Variants in CLINT1 observed in about 807,000 individuals in gnomAD.
CLINT1 encodes the protein clathrin interactor 1, also known as clathrin interacting protein localized in the trans-Golgi region.
In CLINT1, 15 loss-of-function variants were observed where a neutral mutation model predicts 70.4. The observed-to-expected ratio is 0.21, with a 90% CI of 0.14 to 0.33. CLINT1 has a LOEUF of 0.33. Ranked by LOEUF, CLINT1 falls within the 10% of genes least tolerant of loss-of-function variation. The pLI, the probability that CLINT1 is intolerant of heterozygous loss-of-function variation, is 1.00. For missense variants in CLINT1, 615 were observed against 778.1 expected, an observed-to-expected ratio of 0.79 and a Z score of 2.49; for synonymous variants, 227 against 254.7, an observed-to-expected ratio of 0.89 and a Z score of 1.04.
At chr5:157,847,958 C>T (rs1753438453) in intron 1 of CLINT1, among the ~76,000 whole-genome samples, 1 of 152,038 alleles carries the variant, frequency 6.6e-6, no homozygotes, top group Non-Finnish European at 1.5e-5. Context: ...GACTACTTGC[C>T]ACCACACCTG....
intron 8 of CLINT1, among the ~76,000 whole-genome samples, chr5:157,801,189 C>A (rs1021522377): frequency 6.6e-6 from 1 of 151,996 alleles, no homozygotes. Context: ...TACAGAAAAA[C>A]GGGAAAGGGA....
intron 9 of CLINT1, 123 bp from the exon 10 acceptor site, chr5:157,792,118 C>T (rs1471106110): frequency 2.7e-6 from 2 of 746,632 alleles, no homozygotes; most frequent in African/African-American, 1.8e-5. Context: ...CTGCAGGTAC[C>T]ATCTCCATCT....
rs200245441 is a variant in CLINT1, at chr5:157,791,796, C to T, written c.1287G>A (p.Ser429=). The change falls in exon 10 of 12, where the codon TCG becomes TCA. Residue 429 remains serine, a synonymous_variant. Transcript: ENST00000411809. ...NSSDLFDLMG[S]SQATMTSSQS... ...GGGAAGATGTCATGGTTGCCTGGGACGAGCCCATAAGATCAAACAGGTCTG... is the reference window on the plus strand; with the variant it reads ...GGGAAGATGTCATGGTTGCCTGGGATGAGCCCATAAGATCAAACAGGTCTG... 227 of 1,613,816 alleles carry T rather than the reference C, an allele frequency of 1.4e-4. No homozygotes were observed. Among genetic ancestry groups the T allele is most frequent in the Non-Finnish European group, 1.8e-4 (208 of 1,179,874 alleles).
intron 1 of CLINT1, chr5:157,823,624 T>C (rs1436291986): frequency 4.6e-6 from 1 of 219,662 alleles, no homozygotes; most frequent in African/African-American, 2.3e-5. Flanking sequence ...TCAAAATCTG[T>C]ATTTAAAAGT....
intron 8 of CLINT1, among the ~76,000 whole-genome samples, chr5:157,796,602 G>C (rs1186605170): frequency 6.6e-6 from 1 of 152,144 alleles, no homozygotes; most frequent in African/African-American, 2.4e-5. Context: ...GAACATCTGG[G>C]CTGCACTCAA....
At chr5:157,854,500 C>T (rs1008769062) in intron 1 of CLINT1, among the ~76,000 whole-genome samples, 7 of 152,156 alleles carry the variant, frequency 4.6e-5, no homozygotes, top group African/African-American at 1.7e-4. Flanking sequence ...CATCACTGTG[C>T]TCCAGCCTGG....
chr5:157,839,868 A>G (rs1436015454), intron 1 of CLINT1, among the ~76,000 whole-genome samples: 2 of 152,088 alleles, frequency 1.3e-5, no homozygotes, highest in East Asian at 3.8e-4. Flanking sequence ...CCAGGGCTGA[A>G]GCAGTCAAAG....
chr5:157,798,401 T>C (rs1762123418), intron 8 of CLINT1, among the ~76,000 whole-genome samples: 1 of 152,188 alleles, frequency 6.6e-6, no homozygotes, highest in Non-Finnish European at 1.5e-5. Flanking sequence ...GGTTATTTAG[T>C]CACCAGCTGG....
At position 157,796,321 on chromosome 5, in the gene CLINT1, A is replaced by G. The variant is rs559985627; in HGVS notation, c.1013-1349T>C. On this transcript the variant is annotated intron_variant, in intron 8 of 11. Transcript: ENST00000411809. ...ATTTGTAAATACTACATGGGTAAGA[A>G]TATTTACTTTTACCTATAATTTCAA... 4.6e-5 allele frequency among the ~76,000 whole-genome samples: 7 copies of G among 152,360 alleles called. No homozygotes were observed. The South Asian group carries it at 1.4e-3, about 32-fold the overall frequency.
chr5:157,836,030 C>T (rs956763722), intron 1 of CLINT1, among the ~76,000 whole-genome samples: 1 of 152,176 alleles, frequency 6.6e-6, no homozygotes, highest in Non-Finnish European at 1.5e-5. Context: ...ACTTTTCTGG[C>T]AGGTTGTTAA....
At chr5:157,857,936 TCAC>T (rs1186176467) in intron 1 of CLINT1, among the ~76,000 whole-genome samples, 3 of 152,250 alleles carry the variant, frequency 2.0e-5, no homozygotes, top group African/African-American at 7.2e-5. Flanking sequence ...ACTGTTTTTC[TCAC>T]CACACTTATT....
intron 5 of CLINT1, among the ~76,000 whole-genome samples, chr5:157,810,612 C>G (rs1762525727): frequency 6.6e-6 from 1 of 152,118 alleles, no homozygotes; most frequent in South Asian, 2.1e-4. Flanking sequence ...AGTCCTTGCC[C>G]CTAGGGACCC....
intron 5 of CLINT1, among the ~76,000 whole-genome samples, chr5:157,810,423 C>CA (rs1376344307): frequency 2.0e-5 from 3 of 152,200 alleles, no homozygotes; most frequent in African/African-American, 7.2e-5. Flanking sequence ...CCAAAAACTA[C>CA]ACATACTAGA....
At chr5:157,800,917 T>C (rs74796028) in intron 8 of CLINT1, among the ~76,000 whole-genome samples, 62 of 152,306 alleles carry the variant, frequency 4.1e-4, no homozygotes, top group Non-Finnish European at 7.6e-4. Context: ...TCTTCTCTGA[T>C]TGCTCCATTA....
rs1763202161 is a variant in CLINT1 at position 157,830,757 on chromosome 5, C to CCCTCTCT, written c.42-13211_42-13210insAGAGAGG. On this transcript the variant is annotated intron_variant, in intron 1 of 11. Transcript: ENST00000411809. ...CTCTCCCTGCCCCTCCCTCTCTCTC[C>CCCTCTCT]CTCTCTCTCTCTCTCTCTCTCTCTC... 1.4e-3 allele frequency among the ~76,000 whole-genome samples: 126 copies of CCCTCTCT among 87,386 alleles called. 1 individual carries two copies. Among genetic ancestry groups the CCCTCTCT allele is most frequent in the East Asian group, 0.014 (41 of 2,940 alleles). The allele number at this position is 87,386 out of a possible 152,430, so 57.3% of individuals were successfully genotyped here. A position where few individuals can be genotyped will look rare whatever the true frequency, so the allele number is the denominator to read the frequency against.
chr5:157,851,109 G>T (rs539713174), intron 1 of CLINT1, among the ~76,000 whole-genome samples: 5 of 151,850 alleles, frequency 3.3e-5, no homozygotes, highest in African/African-American at 9.7e-5. Context: ...GTTCTTTAAT[G>T]ATTTACTAAA....
chr5:157,852,900 G>T (rs1581551675), intron 1 of CLINT1, among the ~76,000 whole-genome samples: 1 of 152,166 alleles, frequency 6.6e-6, no homozygotes, highest in Non-Finnish European at 1.5e-5. Flanking sequence ...GAAAAACACA[G>T]AAGAGTAAAC....
intron 1 of CLINT1, among the ~76,000 whole-genome samples, chr5:157,846,924 C>A (rs1753402478): frequency 6.6e-6 from 1 of 152,184 alleles, no homozygotes; most frequent in Non-Finnish European, 1.5e-5. Flanking sequence ...CTGTTGAGAT[C>A]TACTGCTCAG....
At chr5:157,857,688 A>T (rs1355174695) in intron 1 of CLINT1, among the ~76,000 whole-genome samples, 1 of 152,238 alleles carries the variant, frequency 6.6e-6, no homozygotes, top group Non-Finnish European at 1.5e-5. Flanking sequence ...CACTGTGAGG[A>T]TAAGTAACTT....
Sources: gnomAD v4.1 joint callset for allele counts (sites outside exome capture counted in the v4.1 genomes callset) on GRCh38, gnomAD v4.1.1 for gene constraint, MANE v1.5 for transcripts, NCBI Gene and HGNC (gene_info 2026-07-23, HGNC 2026-07-21) for gene names.